The following TRPM8 variants were observed in gnomAD, a reference collection of about 807,000 sequenced individuals.
The protein encoded by TRPM8 is TRPM8 cationic channel.
TRPM8 carries 110 observed loss-of-function variants against 133.7 expected under a neutral mutation model. That is an observed-to-expected ratio of 0.82 (90% CI 0.70 to 0.96). TRPM8 has a LOEUF of 0.96. Ranked by LOEUF, TRPM8 falls within the 40% of genes least tolerant of loss-of-function variation. The pLI, the probability that TRPM8 is intolerant of heterozygous loss-of-function variation, is 0.00. For missense variants in TRPM8, 1,291 were observed against 1,379.5 expected (o/e 0.94, Z 1.02); for synonymous variants, 535 against 532.3 (o/e 1.01, Z -0.07).
At chr2:233,918,033 A>C (rs374417611) in intron 1 of TRPM8, among the ~76,000 whole-genome samples, 2 of 152,230 alleles carry the variant, frequency 1.3e-5, no homozygotes, top group Admixed American at 1.3e-4. Flanking sequence ...GGGCTGGATG[A>C]ATAATTAAAG....
intron 6 of TRPM8, among the ~76,000 whole-genome samples, chr2:233,945,154 G>A (rs905617857): frequency 6.6e-6 from 1 of 152,096 alleles, no homozygotes; most frequent in African/African-American, 2.4e-5. Flanking sequence ...TTCTATGTTT[G>A]GAGTTAAGAT....
chr2:234,000,804 G>T (rs376540950), intron 22 of TRPM8, among the ~76,000 whole-genome samples: 4 of 151,768 alleles, frequency 2.6e-5, no homozygotes, highest in Non-Finnish European at 5.9e-5. Flanking sequence ...TCAGGATCCC[G>T]AGTAGCTGGG....
At chr2:234,008,132 T>G (rs200862986) in intron 24 of TRPM8, 29 bp downstream of exon 24, 9 of 1,583,868 alleles carry the variant, frequency 5.7e-6, no homozygotes, top group Non-Finnish European at 7.7e-6. Context: ...TTTGGATTTT[T>G]TTTTTTTTTT....
At chr2:233,918,895 C>A (rs544843394) in intron 1 of TRPM8, among the ~76,000 whole-genome samples, 1 of 152,112 alleles carries the variant, frequency 6.6e-6, no homozygotes, top group South Asian at 2.1e-4. Context: ...GTTATACTCA[C>A]CATTTTCATG....
In TRPM8 at chr2:233,953,955, T is replaced by TA; in HGVS notation, c.1180dup (p.Ile394AsnfsTer2). On this transcript the variant is annotated frameshift_variant, in exon 10 of 26. Transcript: ENST00000324695. LOFTEE classifies it high-confidence loss of function. ...TCGAATGTTCTCACCTATTAACAGT[T>TA]ATTAAAATGGAAGAAGCTGGGGATG... 6.2e-7 allele frequency: 1 copy of TA among 1,614,060 alleles called. No homozygotes were observed. The highest frequency in any genetic ancestry group is 1.1e-5 in the South Asian group (1 of 91,034).
intron 1 of TRPM8, among the ~76,000 whole-genome samples, chr2:233,921,129 C>T (rs1057308688): frequency 2.0e-5 from 3 of 151,986 alleles, no homozygotes; most frequent in South Asian, 2.1e-4. Flanking sequence ...CCAAAGTGCT[C>T]GGATTACAGG....
intron 3 of TRPM8, among the ~76,000 whole-genome samples, chr2:233,936,992 G>C (rs867145633): frequency 6.8e-6 from 1 of 146,620 alleles, no homozygotes; most frequent in Non-Finnish European, 1.5e-5. Flanking sequence ...CACCTCCTGG[G>C]TTCAGGCCAT....
chr2:233,971,909 C>T (rs1485967525), intron 17 of TRPM8, among the ~76,000 whole-genome samples: 2 of 152,186 alleles, frequency 1.3e-5, no homozygotes, highest in South Asian at 2.1e-4. Context: ...GCCCCACCCA[C>T]ATCCTGCTGA....
rs146149942 is a variant in TRPM8, at chr2:233,930,741, C to T, written c.191C>T (p.Thr64Met). Residue 64 changes from threonine to methionine, a missense_variant and splice_region_variant, in exon 3 of 26, where the codon ACG (threonine) becomes ATG (methionine). Transcript: ENST00000324695. Reference protein sequence around the residue: ...CVFFTKDSKATENVCKCGYAQ... With the variant: ...CVFFTKDSKAMENVCKCGYAQ... ...TTCTTTACCAAAGATTCCAAGGCCACGTAAGCTACTATTTTCCCTCCAGTT... is the reference window on the plus strand; with the variant it reads ...TTCTTTACCAAAGATTCCAAGGCCATGTAAGCTACTATTTTCCCTCCAGTT... 138 of 1,601,412 alleles carry T rather than the reference C, an allele frequency of 8.6e-5. No individual in the cohort carries two copies. In the African/African-American group the frequency reaches 1.4e-3, roughly 17 times the overall value.
chr2:233,980,807 A>T (rs1691987639), intron 18 of TRPM8, among the ~76,000 whole-genome samples: 1 of 152,258 alleles, frequency 6.6e-6, no homozygotes, highest in South Asian at 2.1e-4. Flanking sequence ...TACCACCACA[A>T]AAACAATGTG....
chr2:234,006,193 C>T (rs978742600), intron 22 of TRPM8, among the ~76,000 whole-genome samples: 3 of 152,134 alleles, frequency 2.0e-5, no homozygotes, highest in Admixed American at 6.5e-5. Context: ...GGAGGTTTGA[C>T]GTCCATTGCA....
chr2:233,940,010 C>CT (rs1690865154), intron 5 of TRPM8, among the ~76,000 whole-genome samples: 2 of 150,260 alleles, frequency 1.3e-5, no homozygotes, highest in Admixed American at 1.3e-4. Flanking sequence ...AGTAAACATT[C>CT]TTTTTTCTCA....
At chr2:234,011,914 CAAAA>C (rs869030520) in intron 24 of TRPM8, among the ~76,000 whole-genome samples, 3 of 81,272 alleles carry the variant, frequency 3.7e-5, no homozygotes, top group African/African-American at 5.5e-5. Context: ...GAGACTGTCT[CAAAA>C]AAAAAAAAAA....
rs1235272940 is a variant in TRPM8, at chr2:233,981,844, A to C, written c.2518A>C (p.Thr840Pro). 6.2e-7 allele frequency: 1 copy of C among 1,613,704 alleles called. No individual in the cohort carries two copies. Among genetic ancestry groups the C allele is most frequent in the Non-Finnish European group, 8.5e-7 (1 of 1,179,850 alleles). The part of the protein sequence containing the change: ...VIFCLDYIIF[T>P]LRLIHIFTVS... ...TTTCTGTCTGGACTACATTATTTTC[A>C]CTCTAAGATTGATCCACATTTTTAC... Residue 840 changes from threonine (T) to proline (P), a missense_variant, in exon 19 of 26, where the codon ACT (threonine) becomes CCT (proline). Thr to Pro is a conservative substitution (Grantham distance 38). Transcript: ENST00000324695.
rs758162882 is a variant in TRPM8 at position 233,939,182 on chromosome 2, G to A, written c.526+7G>A. 3.2e-5 allele frequency: 51 copies of A among 1,612,418 alleles called. No individual in the cohort carries two copies. In the Admixed American group the frequency reaches 4.7e-4, roughly 15 times the overall value. On this transcript the variant is annotated splice_region_variant and intron_variant, in intron 5 of 25. Transcript: ENST00000324695. ...TACATCGCGCAGTCCAAAGGTGAGGGTGGGAGCAGCGACCGCGGGTTCTTC... is the reference window on the plus strand; with the variant it reads ...TACATCGCGCAGTCCAAAGGTGAGGATGGGAGCAGCGACCGCGGGTTCTTC...
Position 233,946,993 on chromosome 2 carries a change from G to T in TRPM8, c.875-95G>T, listed in dbSNP as rs997053343. 6 of 1,081,736 alleles carry T rather than the reference G, an allele frequency of 5.5e-6. No individual in the cohort carries two copies. In the African/African-American group the frequency reaches 6.2e-5, roughly 11 times the overall value. The allele number at this position is 1,081,736 out of a possible 1,614,324, so 67.0% of individuals were successfully genotyped here. On this transcript the variant is annotated intron_variant, in intron 7 of 25. Transcript: ENST00000324695. The stretch of plus-strand genomic sequence containing the variant: ...GTGAAGCTATCTCTCCACACCCTAG[G>T]CTCACAGGGCAGAAGCTCTTGGTCC...
At chr2:233,920,164 T>C (rs1351035883) in intron 1 of TRPM8, among the ~76,000 whole-genome samples, 1 of 152,166 alleles carries the variant, frequency 6.6e-6, no homozygotes, top group Non-Finnish European at 1.5e-5. Context: ...TAGTTTCCTG[T>C]GTGAGAAACT....
intron 17 of TRPM8, among the ~76,000 whole-genome samples, chr2:233,973,613 C>G (rs1691789814): frequency 6.6e-6 from 1 of 152,202 alleles, no homozygotes; most frequent in South Asian, 2.1e-4. Flanking sequence ...ATGTCACATG[C>G]CAAGGTACTG....
At chr2:233,946,423 G>A (rs1490640749) in intron 7 of TRPM8, 1 of 168,794 alleles carries the variant, frequency 5.9e-6, no homozygotes, top group African/African-American at 2.4e-5. Context: ...TTTAACAATG[G>A]TATGGTTTAC....
Sources: allele counts gnomAD v4.1 joint callset (sites outside exome capture counted in the v4.1 genomes callset), GRCh38; gene constraint gnomAD v4.1.1; transcripts MANE v1.5; gene names NCBI Gene and HGNC (gene_info 2026-07-23, HGNC 2026-07-21).